FIBP: variants seen among roughly 807,000 people sequenced by gnomAD.
FIBP encodes the protein acidic fibroblast growth factor intracellular-binding protein.
FIBP carries 29 observed loss-of-function variants against 40.5 expected under a neutral mutation model. That is an observed-to-expected ratio of 0.72 (90% CI 0.53 to 0.98). The LOEUF (loss-of-function observed/expected upper bound fraction) is 0.98. Ranked by LOEUF, FIBP falls within the 50% of genes least tolerant of loss-of-function variation. The probability of loss-of-function intolerance (pLI) is 0.00; values close to 1 mark genes in which losing one functional copy is unlikely to be tolerated. For missense variants in FIBP, 411 were observed against 470.2 expected, an observed-to-expected ratio of 0.87 and a Z score of 1.16; for synonymous variants, 215 against 191.1, an observed-to-expected ratio of 1.13 and a Z score of -1.03.
chr11:65,884,061 G>GT lies in FIBP; in HGVS notation c.1005-19dup, dbSNP rs1860162886. 3.1e-6 allele frequency: 5 copies of GT among 1,607,942 alleles called. No individual in the cohort carries two copies. In the African/African-American group the frequency reaches 6.7e-5, roughly 21 times the overall value. On this transcript the variant is annotated intron_variant, in intron 9 of 9. Transcript: ENST00000357519. ...CCTGGTGTCTGTAAGAACATGAACAGTGACAGCTGAGTTTTCACAACACTC... is the reference window on the plus strand; with the variant it reads ...CCTGGTGTCTGTAAGAACATGAACAGTTGACAGCTGAGTTTTCACAACACTC...
At chr11:65,887,024 G>C (rs780549714) in intron 3 of FIBP, 24 of 218,320 alleles carry the variant, frequency 1.1e-4, no homozygotes, top group Non-Finnish European at 1.8e-4. Flanking sequence ...CAGTCCATAG[G>C]TCAAAGCCAA....
chr11:65,886,187 A>AG (rs1860231609), intron 4 of FIBP, 135 bp downstream of exon 4: 1 of 538,528 alleles, frequency 1.9e-6, no homozygotes, highest in Admixed American at 3.3e-5. Flanking sequence ...AAAAAAAAAA[A>AG]AAAGTACAGA....
chr11:65,886,162 G>A (rs1268449213), intron 4 of FIBP, 160 bp downstream of exon 4: 4 of 511,594 alleles, frequency 7.8e-6, no homozygotes, highest in Admixed American at 3.6e-5. Flanking sequence ...GTGAAACTCC[G>A]TCTCATTAAA....
chr11:65,887,511 C>A (rs760411702), intron 3 of FIBP, 89 bp downstream of exon 3: 1 of 1,435,346 alleles, frequency 7.0e-7, no homozygotes, highest in Non-Finnish European at 9.8e-7. Flanking sequence ...AAGCTGCTGC[C>A]ACAATCAGAG....
At position 65,885,134 on chromosome 11, in the gene FIBP, G is replaced by A. The variant is rs530389246; in HGVS notation, c.699C>T (p.Asp233=). ...DMDLDKEFLQ[D]LKELKVLVAD... The stretch of plus-strand genomic sequence containing the variant: ...CCACTAGCACCTTGAGCTCCTTCAA[G>A]TCCTGGAGAAATTCCTTGTCTAAGT... Residue 233 remains aspartate (D), a synonymous_variant, in exon 6 of 10, where the codon GAC becomes GAT. Coordinates refer to ENST00000357519, the MANE Select transcript of FIBP (RefSeq NM_004214.5). 6 of 1,599,922 alleles carry A rather than the reference G, an allele frequency of 3.8e-6. No individual in the cohort carries two copies. The African/African-American group carries it at 8.1e-5, about 22-fold the overall frequency.
At chr11:65,887,515 A>G (rs1399890063) in intron 3 of FIBP, 85 bp downstream of exon 3, 3 of 1,465,740 alleles carry the variant, frequency 2.0e-6, no homozygotes, top group South Asian at 1.1e-5. Context: ...TGCTGCCACA[A>G]TCAGAGGCTG....
At chr11:65,886,063 G>T (rs907753188) in intron 4 of FIBP, 30 of 470,996 alleles carry the variant, frequency 6.4e-5, no homozygotes, top group African/African-American at 5.3e-4. Context: ...CCAGCTACTC[G>T]GGAGGCTGAG....
At chr11:65,887,005 A>T (rs1013771923) in intron 3 of FIBP, 1 of 191,326 alleles carries the variant, frequency 5.2e-6, no homozygotes, top group African/African-American at 2.4e-5. Flanking sequence ...CAGGGATGAG[A>T]TAACAGGACA....
In FIBP at chr11:65,888,105, C is replaced by T. The variant is rs1474488758; in HGVS notation, c.113G>A (p.Arg38His). Residue 38 changes from arginine to histidine, a missense_variant, in exon 2 of 10, where the codon CGC (arginine) becomes CAC (histidine). Coordinates refer to ENST00000357519, the MANE Select transcript of FIBP (RefSeq NM_004214.5). ...GCCAGTCTGCTCCAGGATTCCCGAG[C>T]GCACCCGCAGGGCCACCGCGTCGGT... ...SVTDAVALRV[R>H]SGILEQTGAT... 2 of 1,590,166 alleles carry T rather than the reference C, an allele frequency of 1.3e-6. No homozygotes were observed. The highest frequency in any genetic ancestry group is 1.7e-6 in the Non-Finnish European group (2 of 1,171,380).
In FIBP at chr11:65,884,884, G is replaced by A. The variant is rs772985154; in HGVS notation, c.819+51C>T. 3.1e-6 allele frequency: 5 copies of A among 1,603,292 alleles called. No individual in the cohort carries two copies. The South Asian group carries it at 5.5e-5, about 18-fold the overall frequency. On this transcript the variant is annotated intron_variant, in intron 7 of 9. Transcript: ENST00000357519. Reference sequence around the variant, plus strand: ...GGCAGAGCTGCCCGGTAGGGGTGGCGAACTGGAGGCTGAAGATGCCAAGGG... The same window carrying A: ...GGCAGAGCTGCCCGGTAGGGGTGGCAAACTGGAGGCTGAAGATGCCAAGGG...
chr11:65,886,562 C>T (rs1426795792), intron 3 of FIBP, 140 bp from the exon 4 acceptor site: 2 of 633,562 alleles, frequency 3.2e-6, no homozygotes, highest in African/African-American at 3.6e-5. Flanking sequence ...TTTGTTATTC[C>T]TTCAACCAAC....
At position 65,883,973 on chromosome 11, in the gene FIBP, C is replaced by T; in HGVS notation, c.*1G>A. 1 of 1,613,810 alleles carries T rather than the reference C, an allele frequency of 6.2e-7. No individual in the cohort carries two copies. The highest frequency in any genetic ancestry group is 8.5e-7 in the Non-Finnish European group (1 of 1,179,850). On this transcript the variant is annotated 3_prime_UTR_variant, in exon 10 of 10. Coordinates refer to ENST00000357519, the MANE Select transcript of FIBP (RefSeq NM_004214.5). ...GCGTGGGCGGAGCGTTGGGAGGCAC[C>T]TCAGTCATGATACAGGCGCAGGAGG...
chr11:65,887,543 A>C, intron 3 of FIBP, 57 bp downstream of exon 3: 1 of 1,600,538 alleles, frequency 6.2e-7, no homozygotes, highest in Non-Finnish European at 8.5e-7. Context: ...GCCAGTGGCC[A>C]AAGGGAGGGA....
chr11:65,884,686 T>C (rs1230165429), intron 7 of FIBP, 30 bp from the exon 8 acceptor site: 2 of 1,610,860 alleles, frequency 1.2e-6, no homozygotes, highest in Non-Finnish European at 1.7e-6. Context: ...GGAGCTCTGC[T>C]TTCTGCCCCA....
chr11:65,885,440 A>C, intron 5 of FIBP, 90 bp downstream of exon 5: 1 of 1,503,420 alleles, frequency 6.7e-7, no homozygotes, highest in Non-Finnish European at 9.0e-7. Context: ...GGATGCCAGG[A>C]ACTGAGGGCC....
At chr11:65,885,215 G>A in intron 5 of FIBP, 29 bp from the exon 6 acceptor site, 1 of 1,072,582 alleles carries the variant, frequency 9.3e-7, no homozygotes, top group Non-Finnish European at 1.5e-6. Context: ...GGTGGGGGTG[G>A]GTGATAAAAA....
rs758833901 is a variant in FIBP at position 65,884,559 on chromosome 11, C to T, written c.906+11G>A. ...AGACCAGGTTGGGTGTCAGAGAGCA[C>T]GACAGCTCACCTTCTCCACGAGGTC... On this transcript the variant is annotated intron_variant, in intron 8 of 9. Transcript: ENST00000357519. The T allele has an allele frequency of 1.7e-5, 27 of 1,614,018 alleles. 1 individual carries two copies. The South Asian group carries it at 2.0e-4, about 12-fold the overall frequency.
At chr11:65,887,770 G>C in intron 2 of FIBP, 44 bp from the exon 3 acceptor site, 1 of 1,565,502 alleles carries the variant, frequency 6.4e-7, no homozygotes, top group South Asian at 1.1e-5. Flanking sequence ...TAAAAGACAG[G>C]AAAGGGAGTC....
chr11:65,884,238 G>T, intron 9 of FIBP, 154 bp downstream of exon 9: 1 of 783,790 alleles, frequency 1.3e-6, no homozygotes, highest in Non-Finnish European at 2.1e-6. Context: ...AAATCACACA[G>T]CTTCTAAGAG....
Sources: gnomAD v4.1 joint callset for allele counts on GRCh38, gnomAD v4.1.1 for gene constraint, MANE v1.5 for transcripts, NCBI Gene and HGNC (gene_info 2026-07-23, HGNC 2026-07-21) for gene names.